Variants in CDK13 observed in about 807,000 individuals in gnomAD.
CDK13 encodes the protein cyclin dependent kinase 13.
Under a neutral mutation model 137.6 loss-of-function variants are expected in CDK13, and 40 were observed. The observed-to-expected ratio is 0.29, with a 90% CI of 0.23 to 0.38. CDK13 has a LOEUF of 0.38. CDK13 is among the 10% of genes least tolerant of loss of function. The pLI, the probability that CDK13 is intolerant of heterozygous loss-of-function variation, is 1.00. For synonymous variants in CDK13, 869 were observed against 760.1 expected (o/e 1.14, Z -2.36); for missense variants, 1,704 against 1,951.8 (o/e 0.87, Z 2.39).
chr7:40,046,298 CTTGA>C (rs1785739195), intron 6 of CDK13, among the ~76,000 whole-genome samples: 2 of 152,086 alleles, frequency 1.3e-5, no homozygotes, highest in South Asian at 4.1e-4. Context: ...GATGTTGCAC[CTTGA>C]TTATGTTAAA....
At chr7:40,011,416 T>G (rs1784891427) in intron 5 of CDK13, among the ~76,000 whole-genome samples, 1 of 152,208 alleles carries the variant, frequency 6.6e-6, no homozygotes, top group Non-Finnish European at 1.5e-5. Context: ...CTCAAGATTG[T>G]GTGGTACTGG....
intron 1 of CDK13, among the ~76,000 whole-genome samples, chr7:39,968,777 C>T (rs1343992839): frequency 6.6e-6 from 1 of 152,112 alleles, no homozygotes; most frequent in Admixed American, 6.6e-5. Flanking sequence ...ATTGCTTTGG[C>T]CATTTGGGAT....
At position 40,030,059 on chromosome 7, in the gene CDK13, C is replaced by A. The variant is rs1417903559; in HGVS notation, c.2354-15777C>A. ...ATCCCCTACCCCTTTTGCTCTGATTCTTTCTAACCCATGTTTAGCGGTCTC... is the reference window on the plus strand; with the variant it reads ...ATCCCCTACCCCTTTTGCTCTGATTATTTCTAACCCATGTTTAGCGGTCTC... On this transcript the variant is annotated intron_variant, in intron 5 of 13. Transcript: ENST00000181839. Among the ~76,000 whole-genome samples, 3 of 152,108 alleles carry A rather than the reference C, an allele frequency of 2.0e-5. No homozygotes were observed. In the East Asian group the frequency reaches 5.8e-4, roughly 29 times the overall value.
intron 9 of CDK13, among the ~76,000 whole-genome samples, chr7:40,068,312 G>T (rs1010096926): frequency 7.6e-5 from 11 of 143,886 alleles, no homozygotes; most frequent in African/African-American, 2.3e-4. Context: ...GGCATATTTG[G>T]TTTTTTTTTT....
intron 1 of CDK13, among the ~76,000 whole-genome samples, chr7:39,981,021 A>G (rs1784211966): frequency 6.6e-6 from 1 of 152,172 alleles, no homozygotes; most frequent in African/African-American, 2.4e-5. Flanking sequence ...CAAGCAAGAA[A>G]CAGGTAATAT....
chr7:40,076,225 A>G (rs1186049650), intron 9 of CDK13, among the ~76,000 whole-genome samples: 1 of 152,224 alleles, frequency 6.6e-6, no homozygotes, highest in Non-Finnish European at 1.5e-5. Flanking sequence ...GGAAAAGTAT[A>G]CAAAAACAAG....
Position 40,038,688 on chromosome 7 carries a change from AAATT to A in CDK13, c.2354-7139_2354-7136del, listed in dbSNP as rs17538027. ...TATCTTGGTCAAGTTTTAGTTTGGG[AAATT>A]AATTAATTTATATTTATTTTGAGAC... is the stretch of plus-strand genomic sequence containing the variant. On this transcript the variant is annotated intron_variant, in intron 5 of 13. Coordinates refer to ENST00000181839, the MANE Select transcript of CDK13 (RefSeq NM_003718.5). Among the ~76,000 whole-genome samples, 850 of 151,904 alleles carry A rather than the reference AAATT, an allele frequency of 5.6e-3. 4 individuals are homozygous for A. Among genetic ancestry groups the A allele is most frequent in the African/African-American group, 0.013 (518 of 41,408 alleles).
intron 5 of CDK13, among the ~76,000 whole-genome samples, chr7:40,003,206 A>ACTCTCTCTCTCTCT (rs144732307): frequency 4.9e-4 from 39 of 79,896 alleles, no homozygotes; most frequent in African/African-American, 1.5e-3. Context: ...ACACACACAC[A>ACTCTCTCTCTCTCT]CTCTCTCTCT....
At chr7:40,008,390 G>C (rs1389248610) in intron 5 of CDK13, among the ~76,000 whole-genome samples, 2 of 152,126 alleles carry the variant, frequency 1.3e-5, no homozygotes, top group Non-Finnish European at 2.9e-5. Flanking sequence ...AAATACTGGG[G>C]ATATTAAACA....
At chr7:40,054,590 C>G (rs1412286981) in intron 7 of CDK13, among the ~76,000 whole-genome samples, 1 of 152,034 alleles carries the variant, frequency 6.6e-6, no homozygotes, top group Non-Finnish European at 1.5e-5. Flanking sequence ...GCCACCACAC[C>G]CAGCGAATTT....
intron 12 of CDK13, among the ~76,000 whole-genome samples, chr7:40,089,160 C>G (rs1055207436): frequency 1.1e-4 from 17 of 151,888 alleles, no homozygotes; most frequent in African/African-American, 4.1e-4. Flanking sequence ...GAAGGCCAGG[C>G]ATGGTGGCTC....
At chr7:40,040,751 A>G (rs192968369) in intron 5 of CDK13, among the ~76,000 whole-genome samples, 1 of 152,266 alleles carries the variant, frequency 6.6e-6, no homozygotes, top group African/African-American at 2.4e-5. Flanking sequence ...GGGGTCTTCC[A>G]TTTTATATTT....
chr7:40,076,777 A>C (rs536363482), intron 9 of CDK13, among the ~76,000 whole-genome samples: 5 of 152,234 alleles, frequency 3.3e-5, no homozygotes, highest in African/African-American at 9.6e-5. Context: ...ATGTCTGGCA[A>C]CTTGAGCCAT....
rs1050472416 is a variant in CDK13, at chr7:40,027,566, A to G, written c.2354-18270A>G. The stretch of plus-strand genomic sequence containing the variant: ...ACAACTTAGTTCTAAACAGCTTGGT[A>G]TTTGCCCTACTTTGGGAGAGATATG... On this transcript the variant is annotated intron_variant, in intron 5 of 13. Transcript: ENST00000181839. Among the ~76,000 whole-genome samples the G allele has an allele frequency of 2.7e-5, 4 of 147,082 alleles. No homozygotes were observed. The East Asian group carries it at 8.1e-4, about 30-fold the overall frequency.
rs1787099136 is a variant in CDK13, at chr7:40,099,329, C to T, written c.*4349C>T. The T allele has an allele frequency of 6.6e-6, 1 of 152,100 alleles. No homozygotes were observed. The highest frequency in any genetic ancestry group is 2.1e-4 in the South Asian group (1 of 4,828). 9.4% of individuals were successfully genotyped at this position (152,100 alleles called of 1,614,324 possible). A position where few individuals can be genotyped will look rare whatever the true frequency, so the allele number is the denominator to read the frequency against. On this transcript the variant is annotated 3_prime_UTR_variant, in exon 14 of 14. Transcript: ENST00000181839. ...GTCTGCAGGTCTTAACTCATTTCAG[C>T]CTGTCAAATGTGCAATTAAAAATGA... is the stretch of plus-strand genomic sequence containing the variant.
chr7:40,035,034 A>G (rs544619848), intron 5 of CDK13, among the ~76,000 whole-genome samples: 11 of 152,204 alleles, frequency 7.2e-5, no homozygotes, highest in East Asian at 1.9e-4. Context: ...AAATTGCAGC[A>G]TAAGAGAAAG....
chr7:40,045,018 C>T (rs984888496), intron 5 of CDK13, among the ~76,000 whole-genome samples: 12 of 152,132 alleles, frequency 7.9e-5, no homozygotes, highest in Admixed American at 2.6e-4. Context: ...CCATAATAAA[C>T]TTTTAAGAAA....
intron 9 of CDK13, among the ~76,000 whole-genome samples, chr7:40,063,845 A>T (rs1424023596): frequency 6.6e-6 from 1 of 151,900 alleles, no homozygotes; most frequent in Non-Finnish European, 1.5e-5. Context: ...TGTAGCAGAG[A>T]CGGGGTTTCA....
intron 1 of CDK13, among the ~76,000 whole-genome samples, chr7:39,962,686 T>C (rs2116142254): frequency 6.6e-6 from 1 of 152,316 alleles, no homozygotes; most frequent in African/African-American, 2.4e-5. Context: ...CTTTTGGTGT[T>C]TTAGACATGA....
Sources: gnomAD v4.1 joint callset for allele counts (sites outside exome capture counted in the v4.1 genomes callset) on GRCh38, gnomAD v4.1.1 for gene constraint, MANE v1.5 for transcripts, NCBI Gene and HGNC (gene_info 2026-07-23, HGNC 2026-07-21) for gene names.